RAX2: variants seen among roughly 807,000 people sequenced by gnomAD.
RAX2 encodes retina and anterior neural fold homeobox protein 2.
Under a neutral mutation model 5.8 loss-of-function variants are expected in RAX2, and 4 were observed. The ratio of observed to expected loss-of-function variants is 0.69; its 90% CI spans 0.34 to 1.58. RAX2 has a LOEUF of 1.58. RAX2 is among the 40% of genes most tolerant of loss of function. The pLI, the probability that RAX2 is intolerant of heterozygous loss-of-function variation, is 0.05. For missense variants in RAX2, 275 were observed against 271.4 expected (o/e 1.01, Z -0.09); for synonymous variants, 133 against 128.8 (o/e 1.03, Z -0.22).
In RAX2 at chr19:3,771,799, C is replaced by T. The variant is rs1345907890; in HGVS notation, c.-57G>A. The T allele has an allele frequency of 6.6e-7, 1 of 1,522,224 alleles. No individual in the cohort carries two copies. The highest frequency in any genetic ancestry group is 8.8e-7 in the Non-Finnish European group (1 of 1,136,266). 94.3% of individuals were successfully genotyped at this position (1,522,224 alleles called of 1,614,324 possible). On this transcript the variant is annotated 5_prime_UTR_variant, in exon 2 of 3. An upstream open reading frame in the 5' UTR loses its in-frame stop. Transcript: ENST00000555633. This position sits in a 1 kb window ranked among gnomAD's most constrained non-coding sequence, Gnocchi z 4.2. The stretch of plus-strand genomic sequence containing the variant: ...GATGGTGGGGAGACGGCTGGGGGGG[C>T]TACCGGCAGGGACAGGGCAGGGGAG...
In RAX2 at chr19:3,770,617, A is replaced by AGGCTCAGGCTGGCGGCC; in HGVS notation, c.542_*3dup. ...CGAGGAGGGGGCCCGGGAGGGCGGC[A>AGGCTCAGGCTGGCGGCC]GGCTCAGGCTGGCGGCCAGGCCCTG... On this transcript the variant is annotated 3_prime_UTR_variant, in exon 3 of 3. Coordinates refer to ENST00000555633, the MANE Select transcript of RAX2 (RefSeq NM_001319074.4). The AGGCTCAGGCTGGCGGCC allele has an allele frequency of 6.5e-7, 1 of 1,531,768 alleles. No homozygotes were observed. Among genetic ancestry groups the AGGCTCAGGCTGGCGGCC allele is most frequent in the Non-Finnish European group, 8.7e-7 (1 of 1,145,208 alleles). The allele number at this position is 1,531,768 out of a possible 1,614,324, so 94.9% of individuals were successfully genotyped here.
Position 3,772,007 on chromosome 19 carries a change from C to T in RAX2, c.-265G>A, listed in dbSNP as rs1258092113. 2.4e-5 allele frequency: 13 copies of T among 547,576 alleles called. No individual in the cohort carries two copies. In the African/African-American group the frequency reaches 2.5e-4, roughly 11 times the overall value. 33.9% of individuals were successfully genotyped at this position (547,576 alleles called of 1,614,324 possible). On this transcript the variant is annotated 5_prime_UTR_variant, in exon 2 of 3. In the 5' UTR this introduces an upstream ATG that the reference lacks. Transcript: ENST00000555633. ...TCTCTTCCCCTCTCTGTGACTGTCACGGCCTGTGTGTGTGTGTGTCGGCGG... is the reference window on the plus strand; with the variant it reads ...TCTCTTCCCCTCTCTGTGACTGTCATGGCCTGTGTGTGTGTGTGTCGGCGG...
Position 3,770,612 on chromosome 19 carries a change from G to A in RAX2, c.*9C>T, listed in dbSNP as rs1285669869. The stretch of plus-strand genomic sequence containing the variant: ...TGGGCCGAGGAGGGGGCCCGGGAGG[G>A]CGGCAGGCTCAGGCTGGCGGCCAGG... On this transcript the variant is annotated 3_prime_UTR_variant, in exon 3 of 3. Coordinates refer to ENST00000555633, the MANE Select transcript of RAX2 (RefSeq NM_001319074.4). The A allele has an allele frequency of 7.8e-6, 12 of 1,531,438 alleles. No homozygotes were observed. The highest frequency in any genetic ancestry group is 8.7e-7 in the Non-Finnish European group (1 of 1,145,012). The allele number at this position is 1,531,438 out of a possible 1,614,324, so 94.9% of individuals were successfully genotyped here. A position where few individuals can be genotyped will look rare whatever the true frequency, so the allele number is the denominator to read the frequency against.
Position 3,772,012 on chromosome 19 carries a change from T to C in RAX2, c.-268-2A>G. ...TCCCCTCTCTGTGACTGTCACGGCCTGTGTGTGTGTGTGTCGGCGGGGGGG... is the reference window on the plus strand; with the variant it reads ...TCCCCTCTCTGTGACTGTCACGGCCCGTGTGTGTGTGTGTCGGCGGGGGGG... On this transcript the variant is annotated splice_acceptor_variant, in intron 1 of 2. Transcript: ENST00000555633. LOFTEE classifies it low-confidence loss of function (5UTR_SPLICE). 1 of 386,592 alleles carries C rather than the reference T, an allele frequency of 2.6e-6. No homozygotes were observed. Among genetic ancestry groups the C allele is most frequent in the Admixed American group, 3.9e-5 (1 of 25,954 alleles). The allele number at this position is 386,592 out of a possible 1,614,324, so 23.9% of individuals were successfully genotyped here. A position where few individuals can be genotyped will look rare whatever the true frequency, so the allele number is the denominator to read the frequency against.
chr19:3,771,533 G>C lies in RAX2; in HGVS notation c.210C>G (p.Arg70=). 10 of 1,597,932 alleles carry C rather than the reference G, an allele frequency of 6.3e-6. No homozygotes were observed. The highest frequency in any genetic ancestry group is 8.5e-6 in the Non-Finnish European group (10 of 1,172,988). The part of the protein sequence containing the change: ...LAAKVHLPEV[R]VQVWFQNRRA... ...TGTTGGGGGGTGCCCTCACCTGCAC[G>C]CGCACCTCAGGTAGGTGCACCTTGG... The change falls in exon 2 of 3, where the codon CGC becomes CGG. Residue 70 remains arginine, a synonymous_variant. Coordinates refer to ENST00000555633, the MANE Select transcript of RAX2 (RefSeq NM_001319074.4). This position sits in a 1 kb window ranked among gnomAD's most constrained non-coding sequence, Gnocchi z 4.2.
At position 3,771,477 on chromosome 19, in the gene RAX2, G is replaced by T; in HGVS notation, c.216+50C>A. 6.9e-7 allele frequency: 1 copy of T among 1,449,408 alleles called. No individual in the cohort carries two copies. The highest frequency in any genetic ancestry group is 9.5e-7 in the Non-Finnish European group (1 of 1,054,998). The allele number at this position is 1,449,408 out of a possible 1,614,324, so 89.8% of individuals were successfully genotyped here. ...TCCGGGAGGGTCAGGATCTTGCTTT[G>T]CCTCCCTCCCCAGGTTGCAAAAGAT... On this transcript the variant is annotated intron_variant, in intron 2 of 2. Transcript: ENST00000555633. This position sits in a 1 kb window ranked among gnomAD's most constrained non-coding sequence, Gnocchi z 4.2.
In RAX2 at chr19:3,769,665, T is replaced by C; in HGVS notation, c.*956A>G. 6.5e-6 allele frequency: 1 copy of C among 152,884 alleles called. No homozygotes were observed. The highest frequency in any genetic ancestry group is 1.5e-5 in the Non-Finnish European group (1 of 68,482). 9.5% of individuals were successfully genotyped at this position (152,884 alleles called of 1,614,324 possible). Reference sequence around the variant, plus strand: ...TCCCATCCCATGCCTCAGGGCCCCCTCCTGCTGCACTGGGCCAGCCGTGCT... The same window carrying C: ...TCCCATCCCATGCCTCAGGGCCCCCCCCTGCTGCACTGGGCCAGCCGTGCT... On this transcript the variant is annotated 3_prime_UTR_variant, in exon 3 of 3. Transcript: ENST00000555633.
Position 3,771,420 on chromosome 19 carries a change from G to A in RAX2, c.216+107C>T, listed in dbSNP as rs1420783484. Reference sequence around the variant, plus strand: ...CTCAGCTCCCACACCCCCTCCTCCAGGAAGCCTTCCTAGCTTCTCTTCTGC... The same window carrying A: ...CTCAGCTCCCACACCCCCTCCTCCAAGAAGCCTTCCTAGCTTCTCTTCTGC... On this transcript the variant is annotated intron_variant, in intron 2 of 2. Transcript: ENST00000555633. This position sits in a 1 kb window ranked among gnomAD's most constrained non-coding sequence, Gnocchi z 4.2. The A allele has an allele frequency of 1.1e-5, 10 of 916,120 alleles. No homozygotes were observed. Among genetic ancestry groups the A allele is most frequent in the Non-Finnish European group, 1.5e-5 (9 of 582,198 alleles). 56.7% of individuals were successfully genotyped at this position (916,120 alleles called of 1,614,324 possible).
rs1439336622 is a variant in RAX2 at position 3,769,306 on chromosome 19, C to G, written c.*1315G>C. 2 of 152,206 alleles carry G rather than the reference C, an allele frequency of 1.3e-5. No homozygotes were observed. The highest frequency in any genetic ancestry group is 2.9e-5 in the Non-Finnish European group (2 of 68,104). 9.4% of individuals were successfully genotyped at this position (152,206 alleles called of 1,614,324 possible). ...TTGTGGAGATGGGGTCTTGCTGTGT[C>G]ACCCAGGCTGGTCTCAAGCAATCCT... On this transcript the variant is annotated 3_prime_UTR_variant, in exon 3 of 3. Transcript: ENST00000555633.
chr19:3,770,557 G>A lies in RAX2; in HGVS notation c.*64C>T. ...CGGCCTAGGCCAAGGCGTGGTGGCT[G>A]TCACCAGGGCACGTCCCCGGTTCTC... On this transcript the variant is annotated 3_prime_UTR_variant, in exon 3 of 3. Transcript: ENST00000555633. 6.9e-7 allele frequency: 1 copy of A among 1,442,144 alleles called. No homozygotes were observed. The highest frequency in any genetic ancestry group is 9.3e-7 in the Non-Finnish European group (1 of 1,071,156). 89.3% of individuals were successfully genotyped at this position (1,442,144 alleles called of 1,614,324 possible).
chr19:3,771,588 G>A lies in RAX2; in HGVS notation c.155C>T (p.Pro52Leu), dbSNP rs76076446. Reference protein sequence around the residue: ...LERAFEASHYPDVYSREELAA... With the variant: ...LERAFEASHYLDVYSREELAA... ...CAGCTCCTCACGGCTGTACACATCC[G>A]GGTAGTGAGAGGCCTCGAACGCCCG... The change falls in exon 2 of 3, where the codon CCG becomes CTG. Residue 52 changes from proline to leucine, a missense_variant. By Grantham distance (98) the Pro-to-Leu change is moderately conservative. Coordinates refer to ENST00000555633, the MANE Select transcript of RAX2 (RefSeq NM_001319074.4). The surrounding 1 kb of genome is among the most constrained non-coding windows in gnomAD (Gnocchi z 4.2). 29,958 of 1,611,622 alleles carry A rather than the reference G, an allele frequency of 0.019. 353 individuals are homozygous for A. Among genetic ancestry groups the A allele is most frequent in the Non-Finnish European group, 0.022 (25,776 of 1,179,308 alleles).
Position 3,770,630 on chromosome 19 carries a change from C to G in RAX2, c.546G>C (p.Pro182=), listed in dbSNP as rs769934766. The G allele has an allele frequency of 1.3e-6, 2 of 1,532,628 alleles. No homozygotes were observed. The highest frequency in any genetic ancestry group is 1.7e-6 in the Non-Finnish European group (2 of 1,145,526). The allele number at this position is 1,532,628 out of a possible 1,614,324, so 94.9% of individuals were successfully genotyped here. A position where few individuals can be genotyped will look rare whatever the true frequency, so the allele number is the denominator to read the frequency against. ...EHAQALDRAW[P]PA ...CGGGAGGGCGGCAGGCTCAGGCTGG[C>G]GGCCAGGCCCTGTCCAGAGCCTGTG... The change falls in exon 3 of 3, where the codon CCG becomes CCC. Residue 182 remains proline (P), a synonymous_variant. Coordinates refer to ENST00000555633, the MANE Select transcript of RAX2 (RefSeq NM_001319074.4).
chr19:3,771,092 T>G lies in RAX2; in HGVS notation c.217-133A>C. On this transcript the variant is annotated intron_variant, in intron 2 of 2. Coordinates refer to ENST00000555633, the MANE Select transcript of RAX2 (RefSeq NM_001319074.4). This position sits in a 1 kb window ranked among gnomAD's most constrained non-coding sequence, Gnocchi z 4.2. The stretch of plus-strand genomic sequence containing the variant: ...ACCCGACTCCTACCTGCTGCTTCGC[T>G]GTTCTGCCCCAAGAAGATGAGGATC... 1.4e-6 allele frequency: 1 copy of G among 698,192 alleles called. No homozygotes were observed. Among genetic ancestry groups the G allele is most frequent in the Non-Finnish European group, 2.4e-6 (1 of 408,606 alleles). The allele number at this position is 698,192 out of a possible 1,614,324, so 43.2% of individuals were successfully genotyped here.
Position 3,771,382 on chromosome 19 carries a change from C to T in RAX2, c.216+145G>A. The T allele has an allele frequency of 7.1e-6, 5 of 700,790 alleles. No homozygotes were observed. The highest frequency in any genetic ancestry group is 4.4e-5 in the Admixed American group (2 of 45,970). 43.4% of individuals were successfully genotyped at this position (700,790 alleles called of 1,614,324 possible). A position where few individuals can be genotyped will look rare whatever the true frequency, so the allele number is the denominator to read the frequency against. The stretch of plus-strand genomic sequence containing the variant: ...CCTTCCCAGCTGGCACACTCCTACT[C>T]AAATGTCAAAACCTCAGCTCCCACA... On this transcript the variant is annotated intron_variant, in intron 2 of 2. Transcript: ENST00000555633. The surrounding 1 kb of genome is among the most constrained non-coding windows in gnomAD (Gnocchi z 4.2).
In RAX2 at chr19:3,771,674, G is replaced by T. The variant is rs1568401195; in HGVS notation, c.69C>A (p.Pro23=). The T allele has an allele frequency of 6.2e-7, 1 of 1,613,102 alleles. No homozygotes were observed. The highest frequency in any genetic ancestry group is 1.7e-5 in the Admixed American group (1 of 59,998). The change falls in exon 2 of 3, where the codon CCC becomes CCA. Residue 23 remains proline (P), a synonymous_variant. Transcript: ENST00000555633. The surrounding 1 kb of genome is among the most constrained non-coding windows in gnomAD (Gnocchi z 4.2). The part of the protein sequence containing the change: ...GGGLGPGEEA[P]KKKHRRNRTT... The stretch of plus-strand genomic sequence containing the variant: ...TGCGGTTCCTCCGGTGCTTCTTCTT[G>T]GGGGCCTCCTCGCCCGGCCCCAGAC...
intron 1 of RAX2, 31 bp downstream of exon 1, chr19:3,772,132 C>G: frequency 2.2e-6 from 1 of 462,412 alleles, no homozygotes; most frequent in Non-Finnish European, 4.3e-6. Flanking sequence ...CACCTCCTAC[C>G]CAGGCCCACC....
In RAX2 at chr19:3,772,019, GT is replaced by G; in HGVS notation, c.-268-10del. On this transcript the variant is annotated splice_polypyrimidine_tract_variant and intron_variant, in intron 1 of 2. Transcript: ENST00000555633. ...TCTGTGACTGTCACGGCCTGTGTGT[GT>G]GTGTGTCGGCGGGGGGGGGTCAAGG... is the stretch of plus-strand genomic sequence containing the variant. The G allele has an allele frequency of 3.7e-6, 2 of 540,586 alleles. No individual in the cohort carries two copies. Among genetic ancestry groups the G allele is most frequent in the Non-Finnish European group, 6.6e-6 (2 of 301,292 alleles). 33.5% of individuals were successfully genotyped at this position (540,586 alleles called of 1,614,324 possible). A position where few individuals can be genotyped will look rare whatever the true frequency, so the allele number is the denominator to read the frequency against.
In RAX2 at chr19:3,770,899, C is replaced by T. The variant is rs2037250204; in HGVS notation, c.277G>A (p.Gly93Ser). 6.5e-7 allele frequency: 1 copy of T among 1,547,138 alleles called. No individual in the cohort carries two copies. Among genetic ancestry groups the T allele is most frequent in the Non-Finnish European group, 8.7e-7 (1 of 1,153,568 alleles). Residue 93 changes from glycine to serine, a missense_variant, in exon 3 of 3, where the codon GGT (glycine) becomes AGT (serine). By Grantham distance (56) the Gly-to-Ser change is moderately conservative (BLOSUM62 0). Transcript: ENST00000555633. ...RRQERLESGSGAVAAPRLPEA... is the reference protein window; with the variant it reads ...RRQERLESGSSAVAAPRLPEA... ...GGGAGTCTCGGAGCTGCCACGGCAC[C>T]CGAGCCTGACTCCAGCCGCTCCTGG...
chr19:3,770,939 C>T lies in RAX2; in HGVS notation c.237G>A (p.Arg79=). 10 of 1,562,392 alleles carry T rather than the reference C, an allele frequency of 6.4e-6. No homozygotes were observed. The highest frequency in any genetic ancestry group is 8.6e-6 in the Non-Finnish European group (10 of 1,161,410). The stretch of plus-strand genomic sequence containing the variant: ...GCCGCTCCTGGCGGCGCCACTTGGC[C>T]CGGCGGTTCTGGAACCACACCTGGA... The part of the protein sequence containing the change: ...VRVQVWFQNR[R]AKWRRQERLE... Residue 79 remains arginine, a synonymous_variant, in exon 3 of 3, where the codon CGG becomes CGA. Coordinates refer to ENST00000555633, the MANE Select transcript of RAX2 (RefSeq NM_001319074.4).
Sources: allele counts gnomAD v4.1 joint callset, GRCh38; gene constraint gnomAD v4.1.1; non-coding constraint Gnocchi (gnomAD v3.1); transcripts MANE v1.5; gene names NCBI Gene and HGNC (gene_info 2026-07-23, HGNC 2026-07-21).